The following MPDZ variants were observed in gnomAD, a reference collection of about 807,000 sequenced individuals.
MPDZ encodes the protein multiple PDZ domain crumbs cell polarity complex component.
In MPDZ, 234 loss-of-function variants were observed where a neutral mutation model predicts 239.1. The ratio of observed to expected loss-of-function variants is 0.98; its 90% confidence interval spans 0.88 to 1.09. The LOEUF (loss-of-function observed/expected upper bound fraction) is 1.09, where lower values mean the gene tolerates loss of function less well. MPDZ is among the 50% of genes least tolerant of loss of function. The pLI is 0.00. For synonymous variants in MPDZ, 1,048 were observed against 881.3 expected, an observed-to-expected ratio of 1.19 and a Z score of -3.35; for missense variants, 3,175 against 2,510.0, an observed-to-expected ratio of 1.26 and a Z score of -5.66.
chr9:13,240,131 TG>T (rs995895262), intron 3 of MPDZ, among the ~76,000 whole-genome samples: 5 of 152,094 alleles, frequency 3.3e-5, no homozygotes, highest in African/African-American at 9.7e-5. Flanking sequence ...TTAGAATTTT[TG>T]CAGTGTTTTT....
At chr9:13,224,309 T>C (rs988309448) in intron 4 of MPDZ, 65 bp downstream of exon 4, 3 of 1,374,184 alleles carry the variant, frequency 2.2e-6, no homozygotes, top group East Asian at 2.3e-5. Flanking sequence ...AAATTATCCA[T>C]AACTTGATCA....
chr9:13,155,983 AAAAATTTTCCAGTCCAGAAGTTATGT>A (rs572215120), intron 24 of MPDZ, among the ~76,000 whole-genome samples: 2 of 152,304 alleles, frequency 1.3e-5, no homozygotes, highest in African/African-American at 2.4e-5. Context: ...TTAAAAGCAT[AAAAATTTTCCAGTCCAGAAGTTATGT>A]TCTTCTTTCT....
chr9:13,199,661 G>A (rs1056216654), intron 12 of MPDZ, among the ~76,000 whole-genome samples: 2 of 152,030 alleles, frequency 1.3e-5, no homozygotes, highest in Non-Finnish European at 2.9e-5. Flanking sequence ...TGATTATTCT[G>A]AGGCATGTTC....
intron 10 of MPDZ, among the ~76,000 whole-genome samples, chr9:13,213,714 GA>G (rs1587844603): frequency 1.3e-5 from 2 of 152,032 alleles, no homozygotes; most frequent in East Asian, 3.9e-4. Context: ...AAACAATTCA[GA>G]GAAAAGATTC....
At chr9:13,215,542 T>C (rs1375451201) in intron 10 of MPDZ, among the ~76,000 whole-genome samples, 2 of 151,486 alleles carry the variant, frequency 1.3e-5, no homozygotes, top group African/African-American at 2.4e-5. Flanking sequence ...AGGACTCCTC[T>C]ACCTTAATAT....
chr9:13,208,782 C>T (rs539125846), intron 10 of MPDZ, among the ~76,000 whole-genome samples: 1 of 151,696 alleles, frequency 6.6e-6, no homozygotes, highest in African/African-American at 2.4e-5. Context: ...ATCCAGAAAC[C>T]TCTGATCTAG....
chr9:13,153,665 A>T (rs558923229), intron 24 of MPDZ, among the ~76,000 whole-genome samples: 2 of 152,224 alleles, frequency 1.3e-5, no homozygotes, highest in East Asian at 3.9e-4. Flanking sequence ...AGCAGTTCCT[A>T]AGGCAAAGTG....
intron 17 of MPDZ, among the ~76,000 whole-genome samples, chr9:13,187,230 C>T (rs757449563): frequency 1.5e-4 from 23 of 151,976 alleles, no homozygotes; most frequent in Admixed American, 3.9e-4. Flanking sequence ...TTATCATATG[C>T]TGCAAGGCAT....
At chr9:13,223,481 A>G (rs1452631974) in intron 5 of MPDZ, 90 bp downstream of exon 5, 7 of 1,403,018 alleles carry the variant, frequency 5.0e-6, no homozygotes, top group East Asian at 2.4e-5. Flanking sequence ...TTTTGTTGCC[A>G]TTCATTATTA....
At chr9:13,210,858 C>T (rs894481109) in intron 10 of MPDZ, among the ~76,000 whole-genome samples, 4 of 152,174 alleles carry the variant, frequency 2.6e-5, no homozygotes, top group South Asian at 2.1e-4. Flanking sequence ...CTTCCAAGAG[C>T]CCAAGAAGAA....
Position 13,126,877 on chromosome 9 carries a change from GAAATCTAAGACCTTAGACTTT to G in MPDZ, c.4465-126_4465-106del, listed in dbSNP as rs1019853250. On this transcript the variant is annotated intron_variant, in intron 32 of 46. Coordinates refer to ENST00000319217, the MANE Select transcript of MPDZ (RefSeq NM_001378778.1). ...ACAACTAAAACTCTTCTGAAGTCCA[GAAATCTAAGACCTTAGACTTT>G]AAATCTAAGATCTTAGAAATCTTGT... 5.7e-6 allele frequency: 5 copies of G among 883,840 alleles called. No homozygotes were observed. The African/African-American group carries it at 8.4e-5, about 15-fold the overall frequency. The allele number at this position is 883,840 out of a possible 1,614,324, so 54.7% of individuals were successfully genotyped here. A position where few individuals can be genotyped will look rare whatever the true frequency, so the allele number is the denominator to read the frequency against.
In MPDZ at chr9:13,193,032, GTT is replaced by G. The variant is rs141473766; in HGVS notation, c.1803+133_1803+134del. On this transcript the variant is annotated intron_variant, in intron 14 of 46. Coordinates refer to ENST00000319217, the MANE Select transcript of MPDZ (RefSeq NM_001378778.1). ...AGATACAAAATTTCTGCTTTGGGTT[GTT>G]TTTATCTGTAGATTTCTCTCAAGTC... is the stretch of plus-strand genomic sequence containing the variant. The G allele has an allele frequency of 4.3e-3, 3,468 of 807,858 alleles. 92 individuals are homozygous for G. In the South Asian group the frequency reaches 0.076, roughly 18 times the overall value. The allele number at this position is 807,858 out of a possible 1,614,324, so 50.0% of individuals were successfully genotyped here. A position where few individuals can be genotyped will look rare whatever the true frequency, so the allele number is the denominator to read the frequency against.
At position 13,236,649 on chromosome 9, in the gene MPDZ, G is replaced by A. The variant is rs115511066; in HGVS notation, c.183+10986C>T. ...GGCCTAAATGACACTAAAACCTTTG[G>A]GAATATACTTAGGTAAAAAAATTAA... On this transcript the variant is annotated intron_variant, in intron 3 of 46. Transcript: ENST00000319217. Among the ~76,000 whole-genome samples, 759 of 150,932 alleles carry A rather than the reference G, an allele frequency of 5.0e-3. 9 individuals are homozygous for A. The highest frequency in any genetic ancestry group is 0.017 in the African/African-American group (705 of 41,052).
At chr9:13,267,776 G>A (rs912679391) in intron 1 of MPDZ, among the ~76,000 whole-genome samples, 1 of 152,186 alleles carries the variant, frequency 6.6e-6, no homozygotes. Context: ...ATGGCACTGA[G>A]ATGATTTGGA....
chr9:13,125,125 C>T (rs1944927781), intron 35 of MPDZ, 91 bp downstream of exon 35: 5 of 1,250,052 alleles, frequency 4.0e-6, no homozygotes, highest in Non-Finnish European at 5.5e-6. Context: ...AACAGTGAGC[C>T]ACAGGTAGGC....
At chr9:13,175,394 CTAA>C (rs1952333505) in intron 21 of MPDZ, among the ~76,000 whole-genome samples, 1 of 152,130 alleles carries the variant, frequency 6.6e-6, no homozygotes, top group Non-Finnish European at 1.5e-5. Context: ...TTCAAAGTAA[CTAA>C]TAATTTACTT....
At chr9:13,250,520 ATAAAG>A (rs1207885467) in intron 1 of MPDZ, 148 bp from the exon 2 acceptor site, 19 of 519,464 alleles carry the variant, frequency 3.7e-5, no homozygotes, top group Middle Eastern at 4.9e-4. Context: ...TTTACAGACA[ATAAAG>A]TAAACATTTT....
intron 10 of MPDZ, among the ~76,000 whole-genome samples, chr9:13,207,739 T>G (rs545700864): frequency 2.0e-5 from 3 of 152,200 alleles, no homozygotes; most frequent in African/African-American, 7.2e-5. Context: ...AAGGACAGGC[T>G]CTGTATCATT....
intron 12 of MPDZ, among the ~76,000 whole-genome samples, chr9:13,202,930 T>A (rs1442901242): frequency 6.6e-6 from 1 of 152,192 alleles, no homozygotes; most frequent in African/African-American, 2.4e-5. Context: ...GGAAGAAGGA[T>A]GTGGGAGGCA....
Sources: gnomAD v4.1 joint callset for allele counts (sites outside exome capture counted in the v4.1 genomes callset) on GRCh38, gnomAD v4.1.1 for gene constraint, MANE v1.5 for transcripts, NCBI Gene and HGNC (gene_info 2026-07-23, HGNC 2026-07-21) for gene names.